Variants in TRHDE observed in about 807,000 individuals in gnomAD.
The protein encoded by TRHDE is thyrotropin-releasing hormone-degrading ectoenzyme.
A neutral mutation model predicts 125.7 loss-of-function variants in TRHDE; 72 were observed. The ratio of observed to expected loss-of-function variants is 0.57; its 90% CI spans 0.47 to 0.70. TRHDE has a LOEUF of 0.70. Among genes scored for constraint, TRHDE ranks in the 30% least tolerant of loss-of-function variants. TRHDE has a pLI of 0.00. For missense variants in TRHDE, 1,110 were observed against 1,327.1 expected, an observed-to-expected ratio of 0.84 and a Z score of 2.54; for synonymous variants, 509 against 509.1, an observed-to-expected ratio of 1.00 and a Z score of 0.00.
At chr12:72,388,800 A>G (rs995596715) in intron 3 of TRHDE, among the ~76,000 whole-genome samples, 1 of 152,048 alleles carries the variant, frequency 6.6e-6, no homozygotes, top group Middle Eastern at 3.4e-3. Context: ...GATTATTATC[A>G]TAGCTATCCT....
intron 2 of TRHDE, among the ~76,000 whole-genome samples, chr12:72,325,904 C>A (rs1869318684): frequency 6.6e-6 from 1 of 152,050 alleles, no homozygotes; most frequent in African/African-American, 2.4e-5. Flanking sequence ...GAACTATAAA[C>A]CAGGCATTTG....
chr12:72,361,546 A>G (rs1871081621), intron 2 of TRHDE, among the ~76,000 whole-genome samples: 1 of 149,800 alleles, frequency 6.7e-6, no homozygotes, highest in South Asian at 2.1e-4. Context: ...TAGGTGTTTT[A>G]TAATTTATTT....
At chr12:72,423,648 A>G (rs1213506233) in intron 3 of TRHDE, among the ~76,000 whole-genome samples, 1 of 152,192 alleles carries the variant, frequency 6.6e-6, no homozygotes, top group Admixed American at 6.6e-5. Context: ...TGGGTATGTT[A>G]TATTAAATGG....
intron 1 of TRHDE, among the ~76,000 whole-genome samples, chr12:72,102,324 G>C (rs1015290157): frequency 6.6e-6 from 1 of 152,126 alleles, no homozygotes; most frequent in South Asian, 2.1e-4. Flanking sequence ...TTTCTTTCAA[G>C]CCAGACTGGT....
chr12:72,370,506 C>A (rs1194910942), intron 2 of TRHDE, among the ~76,000 whole-genome samples: 1 of 152,136 alleles, frequency 6.6e-6, no homozygotes, highest in East Asian at 1.9e-4. Context: ...ATTCGGTTTA[C>A]AGACACTTGT....
chr12:72,453,085 A>C (rs1565747354), intron 3 of TRHDE, among the ~76,000 whole-genome samples: 1 of 152,220 alleles, frequency 6.6e-6, no homozygotes, highest in Non-Finnish European at 1.5e-5. Flanking sequence ...GTCAGCAGAG[A>C]TTTGAAGAGT....
chr12:72,375,389 C>A (rs544889298), intron 2 of TRHDE, among the ~76,000 whole-genome samples: 14 of 152,208 alleles, frequency 9.2e-5, no homozygotes, highest in African/African-American at 3.4e-4. Flanking sequence ...GTTTTATCTT[C>A]TTGCTTAAAT....
At chr12:72,356,948 T>G (rs931698196) in intron 2 of TRHDE, among the ~76,000 whole-genome samples, 1 of 151,522 alleles carries the variant, frequency 6.6e-6, no homozygotes, top group Non-Finnish European at 1.5e-5. Flanking sequence ...CGGAAATGCA[T>G]ATAGTATGGA....
chr12:72,341,807 AT>A (rs1372873402), intron 2 of TRHDE, among the ~76,000 whole-genome samples: 1 of 152,160 alleles, frequency 6.6e-6, no homozygotes, highest in Non-Finnish European at 1.5e-5. Context: ...GGACAAATGT[AT>A]TTGTCGAAGA....
At chr12:72,559,800 T>C (rs914832807) in intron 7 of TRHDE, among the ~76,000 whole-genome samples, 11 of 152,182 alleles carry the variant, frequency 7.2e-5, no homozygotes, top group Non-Finnish European at 1.5e-4. Context: ...AATATTTTTA[T>C]TCAATGAGAT....
intron 3 of TRHDE, among the ~76,000 whole-genome samples, chr12:72,411,220 A>C (rs1158371242): frequency 1.3e-5 from 2 of 151,502 alleles, no homozygotes; most frequent in African/African-American, 4.8e-5. Flanking sequence ...AAAAAAAAAA[A>C]ACCATACAAA....
chr12:72,308,499 T>C (rs1442119586), intron 2 of TRHDE, among the ~76,000 whole-genome samples: 1 of 152,130 alleles, frequency 6.6e-6, no homozygotes, highest in Admixed American at 6.5e-5. Context: ...AATAAAAGCT[T>C]GTTAGATAAA....
intron 3 of TRHDE, among the ~76,000 whole-genome samples, chr12:72,396,654 GAAT>G (rs1872802950): frequency 6.6e-6 from 1 of 152,170 alleles, no homozygotes; most frequent in Non-Finnish European, 1.5e-5. Flanking sequence ...TGAGGTGGGA[GAAT>G]CGCTTGAACC....
intron 15 of TRHDE, among the ~76,000 whole-genome samples, chr12:72,633,859 C>T (rs555926646): frequency 6.6e-6 from 1 of 152,190 alleles, no homozygotes; most frequent in Non-Finnish European, 1.5e-5. Flanking sequence ...CAATAAATTA[C>T]TCATTCACTT....
chr12:72,370,087 T>C (rs1472103101), intron 2 of TRHDE, among the ~76,000 whole-genome samples: 1 of 152,180 alleles, frequency 6.6e-6, no homozygotes, highest in Admixed American at 6.5e-5. Context: ...TTTTGTACTT[T>C]TCTCCCACTT....
At position 72,665,442 on chromosome 12, in the gene TRHDE, A is replaced by C. The variant is rs898175916; in HGVS notation, c.*2247A>C. On this transcript the variant is annotated 3_prime_UTR_variant, in exon 19 of 19. Coordinates refer to ENST00000261180, the MANE Select transcript of TRHDE (RefSeq NM_013381.3). ...TCATATAATACTTGCTCAACAGTAT[A>C]GTGGTACCAATGGCATTAAGATGGT... 1.3e-5 allele frequency: 2 copies of C among 152,476 alleles called. No homozygotes were observed. Among genetic ancestry groups the C allele is most frequent in the Admixed American group, 6.6e-5 (1 of 15,232 alleles). 9.4% of individuals were successfully genotyped at this position (152,476 alleles called of 1,614,324 possible). A position where few individuals can be genotyped will look rare whatever the true frequency, so the allele number is the denominator to read the frequency against.
intron 2 of TRHDE, among the ~76,000 whole-genome samples, chr12:72,372,238 TG>T (rs1254052481): frequency 2.0e-5 from 3 of 152,160 alleles, no homozygotes; most frequent in African/African-American, 4.8e-5. Flanking sequence ...TCGATGGGGT[TG>T]TTTTTTTTTC....
intron 3 of TRHDE, among the ~76,000 whole-genome samples, chr12:72,410,505 C>T (rs758496517): frequency 1.8e-4 from 27 of 151,718 alleles, no homozygotes; most frequent in Middle Eastern, 3.5e-3. Flanking sequence ...AGCAAAATTT[C>T]GCAAATATAA....
At chr12:72,224,510 A>G (rs184324608) in intron 2 of TRHDE, among the ~76,000 whole-genome samples, 1 of 152,026 alleles carries the variant, frequency 6.6e-6, no homozygotes, top group East Asian at 1.9e-4. Context: ...TTTTGCTTGG[A>G]ATTTGGTTGT....
Sources: allele counts gnomAD v4.1 joint callset (sites outside exome capture counted in the v4.1 genomes callset), GRCh38; gene constraint gnomAD v4.1.1; transcripts MANE v1.5; gene names NCBI Gene and HGNC (gene_info 2026-07-23, HGNC 2026-07-21).